The following EPHA6 variants were observed in gnomAD, a reference collection of about 807,000 sequenced individuals.
EPHA6 encodes the protein ephrin type-A receptor 6.
Under a neutral mutation model 112.0 loss-of-function variants are expected in EPHA6, and 50 were observed. That is an observed-to-expected ratio of 0.45 (90% CI 0.36 to 0.56). The LOEUF (loss-of-function observed/expected upper bound fraction) is 0.56. Ranked by LOEUF, EPHA6 falls within the 20% of genes least tolerant of loss-of-function variation. The pLI is 0.00. For synonymous variants in EPHA6, 529 were observed against 490.7 expected, an observed-to-expected ratio of 1.08 and a Z score of -1.03; for missense variants, 1,280 against 1,417.4, an observed-to-expected ratio of 0.90 and a Z score of 1.56.
intron 14 of EPHA6, among the ~76,000 whole-genome samples, chr3:97,705,864 G>A (rs1045897709): frequency 6.6e-6 from 1 of 151,994 alleles, no homozygotes; most frequent in Non-Finnish European, 1.5e-5. Flanking sequence ...ATTATTTGTC[G>A]CTTCTTTCTA....
intron 11 of EPHA6, among the ~76,000 whole-genome samples, chr3:97,580,960 C>T (rs59193078): frequency 0.012 from 1,832 of 152,300 alleles, 40 homozygotes; most frequent in African/African-American, 0.041. Flanking sequence ...GTGAAATTGG[C>T]TGGCTCCTAT....
intron 3 of EPHA6, among the ~76,000 whole-genome samples, chr3:97,182,313 A>G (rs1264363708): frequency 6.7e-6 from 1 of 149,220 alleles, no homozygotes; most frequent in African/African-American, 2.4e-5. Context: ...TTTTATCCAC[A>G]AATTTATTAT....
chr3:97,388,153 C>T (rs1297291148), intron 5 of EPHA6, among the ~76,000 whole-genome samples: 1 of 152,152 alleles, frequency 6.6e-6, no homozygotes, highest in African/African-American at 2.4e-5. Flanking sequence ...AACCATATCA[C>T]TAAGCTTTCC....
intron 2 of EPHA6, among the ~76,000 whole-genome samples, chr3:96,867,729 T>C (rs1456972403): frequency 6.6e-6 from 1 of 151,910 alleles, no homozygotes; most frequent in Non-Finnish European, 1.5e-5. Context: ...TTGCTTCTTC[T>C]ATTATATCTT....
chr3:97,281,163 G>T (rs1275398458), intron 5 of EPHA6, among the ~76,000 whole-genome samples: 1 of 151,812 alleles, frequency 6.6e-6, no homozygotes, highest in Non-Finnish European at 1.5e-5. Context: ...ACTTTGTAAA[G>T]CTATGACCGG....
intron 14 of EPHA6, among the ~76,000 whole-genome samples, chr3:97,643,210 G>A (rs1458754145): frequency 1.3e-5 from 2 of 148,672 alleles, no homozygotes; most frequent in South Asian, 2.1e-4. Flanking sequence ...AAGTGAAGGA[G>A]AAATAAAATA....
At chr3:97,188,826 G>T (rs2108472914) in intron 3 of EPHA6, among the ~76,000 whole-genome samples, 1 of 151,918 alleles carries the variant, frequency 6.6e-6, no homozygotes, top group African/African-American at 2.4e-5. Flanking sequence ...TTTCCAAGTG[G>T]ATATACATAT....
At chr3:97,214,051 G>A (rs2077962311) in intron 3 of EPHA6, among the ~76,000 whole-genome samples, 1 of 151,148 alleles carries the variant, frequency 6.6e-6, no homozygotes, top group Non-Finnish European at 1.5e-5. Flanking sequence ...GAGAGAGAGA[G>A]AGAGGGAGAG....
chr3:97,007,475 C>T (rs1280080162), intron 3 of EPHA6, among the ~76,000 whole-genome samples: 3 of 151,484 alleles, frequency 2.0e-5, no homozygotes, highest in African/African-American at 7.3e-5. Flanking sequence ...TTCCTCCATC[C>T]CTTTATTTTG....
chr3:97,680,014 T>C lies in EPHA6; in HGVS notation c.2785-40247T>C, dbSNP rs548334697. The stretch of plus-strand genomic sequence containing the variant: ...GTTGTAAAATAGTTAAAGGAATCAC[T>C]TTCCCATCTTTAGAGTTACATTTTA... On this transcript the variant is annotated intron_variant, in intron 14 of 17. Coordinates refer to ENST00000389672, the MANE Select transcript of EPHA6 (RefSeq NM_001080448.3). Among the ~76,000 whole-genome samples, 15 of 152,338 alleles carry C rather than the reference T, an allele frequency of 9.8e-5. No homozygotes were observed. The South Asian group carries it at 2.3e-3, about 23-fold the overall frequency.
intron 2 of EPHA6, among the ~76,000 whole-genome samples, chr3:96,942,467 G>A (rs1173100091): frequency 2.0e-5 from 3 of 152,174 alleles, no homozygotes; most frequent in Non-Finnish European, 4.4e-5. Flanking sequence ...CGTTGGAAAA[G>A]CGCAGTATTA....
At chr3:97,640,712 G>T (rs187680933) in intron 14 of EPHA6, among the ~76,000 whole-genome samples, 2 of 152,056 alleles carry the variant, frequency 1.3e-5, no homozygotes, top group Admixed American at 6.5e-5. Flanking sequence ...CCCAGGAGGC[G>T]GAGGTTGCGA....
Position 97,241,776 on chromosome 3 carries a change from T to G in EPHA6, c.1271-2176T>G, listed in dbSNP as rs574489441. Among the ~76,000 whole-genome samples, 207 of 150,312 alleles carry G rather than the reference T, an allele frequency of 1.4e-3. 3 individuals are homozygous for G. The South Asian group carries it at 0.019, about 14-fold the overall frequency. On this transcript the variant is annotated intron_variant, in intron 4 of 17. Transcript: ENST00000389672. The stretch of plus-strand genomic sequence containing the variant: ...TCTTGTTTTTTTTTTTTTTTGTTTT[T>G]TTTTTTAGTATCTGCAGGCGGACAG...
chr3:97,020,502 A>G (rs1227843656), intron 3 of EPHA6, among the ~76,000 whole-genome samples: 1 of 152,210 alleles, frequency 6.6e-6, no homozygotes. Context: ...ATGAAGAGTC[A>G]AGAAAATGCA....
At chr3:97,314,075 C>A (rs1162514589) in intron 5 of EPHA6, among the ~76,000 whole-genome samples, 1 of 151,358 alleles carries the variant, frequency 6.6e-6, no homozygotes, top group Admixed American at 6.6e-5. Flanking sequence ...AGTAAGGGTT[C>A]AGTTTCATTC....
At chr3:97,565,225 A>C (rs1012778030) in intron 11 of EPHA6, among the ~76,000 whole-genome samples, 1 of 152,174 alleles carries the variant, frequency 6.6e-6, no homozygotes, top group African/African-American at 2.4e-5. Context: ...ATGATTTATA[A>C]ATCACATGCT....
chr3:97,215,214 G>A (rs780607461), intron 3 of EPHA6, among the ~76,000 whole-genome samples: 36 of 152,142 alleles, frequency 2.4e-4, no homozygotes, highest in Admixed American at 5.9e-4. Flanking sequence ...TGATAATAAG[G>A]ATAAGCCTAA....
At chr3:97,328,864 G>T (rs554751658) in intron 5 of EPHA6, among the ~76,000 whole-genome samples, 1 of 151,864 alleles carries the variant, frequency 6.6e-6, no homozygotes, top group African/African-American at 2.4e-5. Flanking sequence ...TGTGCACAAC[G>T]TGCAGGTTTG....
At position 96,985,749 on chromosome 3, in the gene EPHA6, A is replaced by G. The variant is rs952042507; in HGVS notation, c.451-1581A>G. Among the ~76,000 whole-genome samples, 5 of 152,318 alleles carry G rather than the reference A, an allele frequency of 3.3e-5. No homozygotes were observed. In the East Asian group the frequency reaches 9.6e-4, roughly 29 times the overall value. On this transcript the variant is annotated intron_variant, in intron 2 of 17. Transcript: ENST00000389672. ...TTGTGTTAAGTTTGCATGATGGATA[A>G]TATAAATTATTCTGGAAATTTACTG... is the stretch of plus-strand genomic sequence containing the variant.
Sources: allele counts gnomAD v4.1 joint callset (sites outside exome capture counted in the v4.1 genomes callset), GRCh38; gene constraint gnomAD v4.1.1; transcripts MANE v1.5; gene names NCBI Gene and HGNC (gene_info 2026-07-23, HGNC 2026-07-21).